UNC13C: variants seen among roughly 807,000 people sequenced by gnomAD.
UNC13C encodes the protein protein unc-13 homolog C.
A neutral mutation model predicts 245.4 loss-of-function variants in UNC13C; 174 were observed. The observed-to-expected ratio is 0.71, with a 90% CI of 0.63 to 0.80. The LOEUF (loss-of-function observed/expected upper bound fraction) is 0.80. Among genes scored for constraint, UNC13C ranks in the 30% least tolerant of loss-of-function variants. The probability of loss-of-function intolerance (pLI) is 0.00; values close to 1 mark genes in which losing one functional copy is unlikely to be tolerated. For synonymous variants in UNC13C, 992 were observed against 895.1 expected, an observed-to-expected ratio of 1.11 and a Z score of -1.93; for missense variants, 2,829 against 2,602.9, an observed-to-expected ratio of 1.09 and a Z score of -1.89.
rs142707638 is a variant in UNC13C, at chr15:54,304,117, G to A, written c.4268+3744G>A. On this transcript the variant is annotated intron_variant, in intron 13 of 32. Coordinates refer to ENST00000260323, the MANE Select transcript of UNC13C (RefSeq NM_001080534.3). ...TAGTTGTACCAGTCTCTGTTACACT[G>A]CTTAGCTCTGCAGTACTAGTGCAAA... 1.5e-3 allele frequency among the ~76,000 whole-genome samples: 226 copies of A among 152,088 alleles called. 3 individuals carry two copies. The East Asian group carries it at 0.019, about 13-fold the overall frequency.
Position 54,276,549 on chromosome 15 carries a change from A to G in UNC13C, c.3818+11053A>G, listed in dbSNP as rs182292631. On this transcript the variant is annotated intron_variant, in intron 10 of 32. Coordinates refer to ENST00000260323, the MANE Select transcript of UNC13C (RefSeq NM_001080534.3). ...AAATCTAAAATACAGTATCATGTGC[A>G]TTTACATCCTTACATTTATGGCTGA... Among the ~76,000 whole-genome samples, 549 of 152,220 alleles carry G rather than the reference A, an allele frequency of 3.6e-3. 3 individuals are homozygous for G. Among genetic ancestry groups the G allele is most frequent in the African/African-American group, 0.013 (524 of 41,556 alleles).
chr15:54,201,913 C>T (rs1325726661), intron 4 of UNC13C, among the ~76,000 whole-genome samples: 1 of 151,834 alleles, frequency 6.6e-6, no homozygotes, highest in Admixed American at 6.6e-5. Context: ...ACCTAGAAAA[C>T]CCTAAAGACT....
chr15:53,859,451 T>A, the UNC13C span, among the ~76,000 whole-genome samples: 2 of 152,218 alleles, frequency 1.3e-5, no homozygotes, highest in Non-Finnish European at 2.9e-5. Context: ...CGATATTTCT[T>A]ATTCCCACTG....
intron 8 of UNC13C, among the ~76,000 whole-genome samples, chr15:54,251,582 G>A (rs572071157): frequency 4.6e-5 from 7 of 152,264 alleles, no homozygotes; most frequent in African/African-American, 1.7e-4. Context: ...AAATGCTAAT[G>A]CATCACATTG....
intron 2 of UNC13C, among the ~76,000 whole-genome samples, chr15:54,082,748 T>C (rs1159582897): frequency 1.3e-5 from 2 of 152,182 alleles, no homozygotes; most frequent in African/African-American, 4.8e-5. Flanking sequence ...CTGTTTTTAA[T>C]TTTTTATCTT....
intron 2 of UNC13C, among the ~76,000 whole-genome samples, chr15:54,067,561 G>A (rs967411156): frequency 6.6e-6 from 1 of 152,174 alleles, no homozygotes; most frequent in Non-Finnish European, 1.5e-5. Context: ...AGCTGTAAAT[G>A]TTGCACTGTA....
chr15:54,500,459 T>C (rs1227128992), intron 21 of UNC13C, among the ~76,000 whole-genome samples: 1 of 152,116 alleles, frequency 6.6e-6, no homozygotes, highest in South Asian at 2.1e-4. Flanking sequence ...AACATCTTTG[T>C]TGTCCTGGAA....
intron 4 of UNC13C, among the ~76,000 whole-genome samples, chr15:54,179,139 C>T (rs921126182): frequency 2.6e-5 from 4 of 152,092 alleles, no homozygotes; most frequent in Non-Finnish European, 4.4e-5. Context: ...ACACCCCTCA[C>T]ATGTACCCTA....
chr15:54,004,917 C>G lies in UNC13C; in HGVS notation c.-256-7731C>G, dbSNP rs201086133. ...TATATTCCGGTTATTAATCCCTTGT[C>G]GGATGGGTAGTTTGCAAATATTTTC... is the stretch of plus-strand genomic sequence containing the variant. On this transcript the variant is annotated intron_variant, in intron 1 of 32. Transcript: ENST00000260323. Among the ~76,000 whole-genome samples, 19 of 152,228 alleles carry G rather than the reference C, an allele frequency of 1.2e-4. No homozygotes were observed. The East Asian group carries it at 3.7e-3, about 29-fold the overall frequency.
chr15:54,620,103 G>A lies in UNC13C; in HGVS notation c.6107-2224G>A, dbSNP rs527740649. The stretch of plus-strand genomic sequence containing the variant: ...AGACTATGTTTGACCTAATTGAAGA[G>A]TAAATTTTGTCTTAGAAAAGGAAAT... On this transcript the variant is annotated intron_variant, in intron 30 of 32. Transcript: ENST00000260323. Among the ~76,000 whole-genome samples, 4 of 152,228 alleles carry A rather than the reference G, an allele frequency of 2.6e-5. No individual in the cohort carries two copies. In the East Asian group the frequency reaches 7.7e-4, roughly 29 times the overall value.
At position 54,627,101 on chromosome 15, in the gene UNC13C, A is replaced by C. The variant is rs762511343; in HGVS notation, c.6633A>C (p.Glu2211Asp). The change falls in exon 33 of 33, where the codon GAA (glutamate) becomes GAC (aspartate). Residue 2211 changes from glutamate to aspartate, a missense_variant. Coordinates refer to ENST00000260323, the MANE Select transcript of UNC13C (RefSeq NM_001080534.3). ...TTAAATCTGAAACAAGATCTACTGA[A>C]GAGAGTGCTTGAAACAAACACTGCA... Reference protein sequence around the residue: ...VRLKSETRSTEESA With the variant: ...VRLKSETRSTDESA 3 of 1,609,694 alleles carry C rather than the reference A, an allele frequency of 1.9e-6. No individual in the cohort carries two copies. Among genetic ancestry groups the C allele is most frequent in the Admixed American group, 1.7e-5 (1 of 59,588 alleles).
intron 10 of UNC13C, among the ~76,000 whole-genome samples, chr15:54,268,089 T>C (rs2036593089): frequency 6.6e-6 from 1 of 152,004 alleles, no homozygotes; most frequent in African/African-American, 2.4e-5. Flanking sequence ...GCATTAGGTA[T>C]TTGTCCTAAT....
chr15:54,095,554 T>C (rs1237720693), intron 2 of UNC13C, among the ~76,000 whole-genome samples: 1 of 152,184 alleles, frequency 6.6e-6, no homozygotes, highest in African/African-American at 2.4e-5. Flanking sequence ...TTTGTGGTCT[T>C]AGTACCAGCA....
chr15:53,885,148 G>A, the UNC13C span, among the ~76,000 whole-genome samples: 1 of 152,240 alleles, frequency 6.6e-6, no homozygotes. Context: ...AAAGTAGGGC[G>A]CCTTGTCAGG....
the UNC13C span, among the ~76,000 whole-genome samples, chr15:53,927,140 A>G: frequency 1.3e-5 from 2 of 152,204 alleles, no homozygotes; most frequent in Admixed American, 1.3e-4. Flanking sequence ...TTTTATTCCA[A>G]TTTAATTCTG....
intron 11 of UNC13C, among the ~76,000 whole-genome samples, chr15:54,296,470 G>A (rs916370013): frequency 1.0e-4 from 15 of 150,054 alleles, no homozygotes; most frequent in African/African-American, 3.5e-4. Flanking sequence ...CTCCCGCCTC[G>A]GCCTCCCAAA....
At chr15:54,181,072 G>A (rs1190162115) in intron 4 of UNC13C, among the ~76,000 whole-genome samples, 1 of 151,816 alleles carries the variant, frequency 6.6e-6, no homozygotes, top group Non-Finnish European at 1.5e-5. Context: ...CTTTCCCAAG[G>A]CTGATATCTA....
intron 2 of UNC13C, among the ~76,000 whole-genome samples, chr15:54,031,982 A>G (rs537401814): frequency 2.1e-4 from 32 of 152,280 alleles, no homozygotes; most frequent in South Asian, 4.1e-4. Flanking sequence ...TAGGTAAATC[A>G]CTTTTCTTAC....
the UNC13C span, among the ~76,000 whole-genome samples, chr15:53,969,894 C>T: frequency 2.6e-5 from 4 of 152,126 alleles, no homozygotes; most frequent in Non-Finnish European, 4.4e-5. Context: ...CTCCTGACAA[C>T]CACTCTTCTG....
Sources: allele counts gnomAD v4.1 joint callset (sites outside exome capture counted in the v4.1 genomes callset), GRCh38; gene constraint gnomAD v4.1.1; transcripts MANE v1.5; gene names NCBI Gene and HGNC (gene_info 2026-07-23, HGNC 2026-07-21).